Variants in GRM5 observed in about 807,000 individuals in gnomAD.
GRM5 encodes glutamate metabotropic receptor 5, also known as metabotropic glutamate receptor 5.
GRM5 carries 19 observed loss-of-function variants against 83.1 expected under a neutral mutation model. The observed-to-expected ratio is 0.23, with a 90% CI of 0.16 to 0.34. GRM5 has a LOEUF of 0.34. Ranked by LOEUF, GRM5 falls within the 10% of genes least tolerant of loss-of-function variation. The probability of loss-of-function intolerance (pLI) is 1.00; values close to 1 mark genes in which losing one functional copy is unlikely to be tolerated. For synonymous variants in GRM5, 675 were observed against 633.6 expected (o/e 1.07, Z -0.98); for missense variants, 1,160 against 1,588.3 (o/e 0.73, Z 4.58).
At chr11:88,838,175 C>T (rs1944128832) in intron 3 of GRM5, among the ~76,000 whole-genome samples, 1 of 147,272 alleles carries the variant, frequency 6.8e-6, no homozygotes, top group South Asian at 2.3e-4. Flanking sequence ...TTACTCACTT[C>T]AGAAGGGACT....
At chr11:88,936,869 A>G (rs1397122772) in intron 2 of GRM5, among the ~76,000 whole-genome samples, 1 of 151,788 alleles carries the variant, frequency 6.6e-6, no homozygotes, top group Non-Finnish European at 1.5e-5. Flanking sequence ...AGAAAGGAGC[A>G]AAGCCTGGAC....
At chr11:89,019,834 C>G (rs1460307389) in intron 2 of GRM5, among the ~76,000 whole-genome samples, 1 of 152,168 alleles carries the variant, frequency 6.6e-6, no homozygotes, top group African/African-American at 2.4e-5. Context: ...AAATCAGACA[C>G]CTTTGGTTTA....
At chr11:88,579,501 T>G (rs543289838) in intron 7 of GRM5, among the ~76,000 whole-genome samples, 4 of 152,210 alleles carry the variant, frequency 2.6e-5, no homozygotes, top group Admixed American at 2.6e-4. Flanking sequence ...GTTTGTAGTA[T>G]TAAACGGGTT....
At chr11:89,057,997 C>T (rs1162644050) in intron 1 of GRM5, among the ~76,000 whole-genome samples, 1 of 152,038 alleles carries the variant, frequency 6.6e-6, no homozygotes, top group Admixed American at 6.6e-5. Context: ...ATCAAACCTA[C>T]AATAAATGGC....
intron 3 of GRM5, among the ~76,000 whole-genome samples, chr11:88,779,022 C>T (rs760642411): frequency 3.3e-5 from 5 of 152,304 alleles, no homozygotes; most frequent in African/African-American, 1.2e-4. Context: ...TAATAAATAG[C>T]TTACATAATT....
chr11:88,681,386 AT>A (rs1220434340), intron 3 of GRM5, among the ~76,000 whole-genome samples: 1 of 151,338 alleles, frequency 6.6e-6, no homozygotes, highest in Non-Finnish European at 1.5e-5. Context: ...CTTTTTTGCA[AT>A]TTACTTTTTG....
At chr11:88,775,949 A>G (rs1942838256) in intron 3 of GRM5, among the ~76,000 whole-genome samples, 1 of 152,168 alleles carries the variant, frequency 6.6e-6, no homozygotes, top group Non-Finnish European at 1.5e-5. Flanking sequence ...GTAGATGTCT[A>G]TTAGGTCTGC....
chr11:88,847,272 G>A (rs554024943), intron 3 of GRM5, among the ~76,000 whole-genome samples: 2 of 152,212 alleles, frequency 1.3e-5, no homozygotes, highest in African/African-American at 4.8e-5. Context: ...TAACTTATCT[G>A]TAAGTATCAT....
At chr11:88,783,764 A>G (rs1205870613) in intron 3 of GRM5, among the ~76,000 whole-genome samples, 1 of 152,016 alleles carries the variant, frequency 6.6e-6, no homozygotes, top group Non-Finnish European at 1.5e-5. Context: ...ACTTTTTTGT[A>G]TGCACTTAGA....
At chr11:88,948,878 G>T (rs1212411779) in intron 2 of GRM5, among the ~76,000 whole-genome samples, 3 of 152,156 alleles carry the variant, frequency 2.0e-5, no homozygotes, top group Non-Finnish European at 4.4e-5. Context: ...AAAGGCAAGT[G>T]CAAATAAAGT....
intron 8 of GRM5, among the ~76,000 whole-genome samples, chr11:88,532,336 A>G (rs923903654): frequency 6.6e-6 from 1 of 152,188 alleles, no homozygotes; most frequent in African/African-American, 2.4e-5. Context: ...GAGAAAAACA[A>G]TATGGGAGGA....
chr11:88,724,712 C>T (rs1217871095), intron 3 of GRM5, among the ~76,000 whole-genome samples: 2 of 152,072 alleles, frequency 1.3e-5, no homozygotes, highest in Non-Finnish European at 2.9e-5. Context: ...GTACCTTGCT[C>T]TTCTCACTGG....
intron 4 of GRM5, among the ~76,000 whole-genome samples, chr11:88,607,328 A>G (rs1277580639): frequency 6.6e-6 from 1 of 151,928 alleles, no homozygotes; most frequent in Non-Finnish European, 1.5e-5. Context: ...TTTCCTTCAT[A>G]CCTTCACAAC....
chr11:88,777,374 G>C (rs1032571577), intron 3 of GRM5, among the ~76,000 whole-genome samples: 3 of 152,064 alleles, frequency 2.0e-5, no homozygotes, highest in African/African-American at 7.2e-5. Context: ...CCTTGCAGTG[G>C]GTTCAGCATC....
At chr11:88,940,679 A>G (rs868354963) in intron 2 of GRM5, among the ~76,000 whole-genome samples, 1 of 151,896 alleles carries the variant, frequency 6.6e-6, no homozygotes, top group African/African-American at 2.4e-5. Flanking sequence ...AAACCTATGG[A>G]AAGTATAGCA....
At chr11:88,773,207 T>C (rs1942777250) in intron 3 of GRM5, among the ~76,000 whole-genome samples, 1 of 152,232 alleles carries the variant, frequency 6.6e-6, no homozygotes, top group Non-Finnish European at 1.5e-5. Flanking sequence ...CCAGTGATGA[T>C]GAGCATTTTT....
At chr11:88,932,736 C>T (rs959939473) in intron 2 of GRM5, among the ~76,000 whole-genome samples, 5 of 151,694 alleles carry the variant, frequency 3.3e-5, no homozygotes, top group African/African-American at 9.7e-5. Flanking sequence ...AGACATTTTC[C>T]AAGGTTACCA....
chr11:88,928,239 T>C (rs1252636199), intron 2 of GRM5, among the ~76,000 whole-genome samples: 1 of 152,096 alleles, frequency 6.6e-6, no homozygotes, highest in Non-Finnish European at 1.5e-5. Context: ...TGGGTTTTAA[T>C]TGTAATAAGG....
intron 2 of GRM5, among the ~76,000 whole-genome samples, chr11:88,967,450 G>A (rs1489925988): frequency 1.3e-5 from 2 of 151,714 alleles, no homozygotes; most frequent in Non-Finnish European, 2.9e-5. Context: ...TGGGAAGTCT[G>A]AAGCTATGGG....
Sources: gnomAD v4.1 joint callset for allele counts (sites outside exome capture counted in the v4.1 genomes callset) on GRCh38, gnomAD v4.1.1 for gene constraint, MANE v1.5 for transcripts, NCBI Gene and HGNC (gene_info 2026-07-23, HGNC 2026-07-21) for gene names.